TMEM131: variants seen among roughly 807,000 people sequenced by gnomAD.
TMEM131 encodes transmembrane protein 131, also known as 2610524E03Rik.
In TMEM131, 66 loss-of-function variants were observed where a neutral mutation model predicts 211.6. That is an observed-to-expected ratio of 0.31 (90% CI 0.26 to 0.38). The LOEUF is 0.38. Among genes scored for constraint, TMEM131 ranks in the 10% least tolerant of loss-of-function variants. The probability of loss-of-function intolerance (pLI) is 1.00; values close to 1 mark genes in which losing one functional copy is unlikely to be tolerated. For missense variants in TMEM131, 2,036 were observed against 2,299.3 expected, an observed-to-expected ratio of 0.89 and a Z score of 2.34; for synonymous variants, 844 against 841.3, an observed-to-expected ratio of 1.00 and a Z score of -0.06.
intron 31 of TMEM131, among the ~76,000 whole-genome samples, chr2:97,787,891 C>T (rs1680325760): frequency 6.6e-6 from 1 of 152,150 alleles, no homozygotes; most frequent in African/African-American, 2.4e-5. Context: ...ACCTTACACT[C>T]ACACCTCCTT....
At chr2:97,905,486 G>A (rs1159288605) in intron 3 of TMEM131, among the ~76,000 whole-genome samples, 1 of 152,094 alleles carries the variant, frequency 6.6e-6, no homozygotes, top group Non-Finnish European at 1.5e-5. Context: ...CCAATTCCTA[G>A]GAACTCACTT....
intron 1 of TMEM131, among the ~76,000 whole-genome samples, chr2:97,928,787 G>GT (rs1345980889): frequency 2.0e-5 from 3 of 151,828 alleles, no homozygotes; most frequent in African/African-American, 4.9e-5. Flanking sequence ...TGGGAGCCAG[G>GT]TGTCTCACTG....
chr2:97,943,037 A>AGAGAAAGAAAG (rs1677844966), intron 1 of TMEM131, among the ~76,000 whole-genome samples: 1 of 66,000 alleles, frequency 1.5e-5, no homozygotes, highest in South Asian at 5.0e-4. Context: ...AAAAGAAAAG[A>AGAGAAAGAAAG]AAAGAAAGAA....
At chr2:97,891,636 G>C (rs1416395638) in intron 3 of TMEM131, among the ~76,000 whole-genome samples, 2 of 152,196 alleles carry the variant, frequency 1.3e-5, no homozygotes, top group Admixed American at 6.5e-5. Flanking sequence ...TCAGGTCAAA[G>C]TTGAGCAGGA....
chr2:97,767,120 T>G (rs1449332236), intron 33 of TMEM131, among the ~76,000 whole-genome samples: 1 of 152,230 alleles, frequency 6.6e-6, no homozygotes, highest in African/African-American at 2.4e-5. Flanking sequence ...GCTAAGTTCC[T>G]GGTTACTACA....
intron 32 of TMEM131, among the ~76,000 whole-genome samples, chr2:97,772,751 G>A (rs1027313415): frequency 9.9e-5 from 15 of 152,222 alleles, no homozygotes; most frequent in Non-Finnish European, 1.6e-4. Flanking sequence ...CAAAAAACTA[G>A]CTGGGCGTGG....
At chr2:97,859,828 G>C (rs1294454991) in intron 4 of TMEM131, among the ~76,000 whole-genome samples, 1 of 152,186 alleles carries the variant, frequency 6.6e-6, no homozygotes, top group Non-Finnish European at 1.5e-5. Flanking sequence ...GAGTAGCAAA[G>C]TTGTGTGAGG....
intron 1 of TMEM131, among the ~76,000 whole-genome samples, chr2:97,966,460 A>T (rs1559480078): frequency 6.6e-6 from 1 of 152,164 alleles, no homozygotes; most frequent in Non-Finnish European, 1.5e-5. Context: ...ACAATAAATA[A>T]AAGGTATAAA....
intron 1 of TMEM131, among the ~76,000 whole-genome samples, chr2:97,941,168 A>C (rs554717431): frequency 1.9e-4 from 29 of 152,232 alleles, no homozygotes; most frequent in African/African-American, 6.5e-4. Context: ...GAAATAATAC[A>C]ACACATCTAC....
intron 12 of TMEM131, among the ~76,000 whole-genome samples, chr2:97,818,123 T>C (rs1409579712): frequency 2.0e-5 from 3 of 152,204 alleles, no homozygotes; most frequent in Non-Finnish European, 4.4e-5. Context: ...TTAGAAATAA[T>C]AGCTAACTGG....
In TMEM131 at chr2:97,796,846, T is replaced by G; in HGVS notation, c.3011A>C (p.Asp1004Ala). ...ITEALLKDCT[D>A]SLKLREPNFT... ...TTGAAACTGTTAGGAAGACTTACTA[T>G]CTGTACAATCTTTTAACAATGCTTC... Residue 1004 changes from aspartate (D) to alanine (A), a missense_variant and splice_region_variant, in exon 27 of 41, where the codon GAT (aspartate) becomes GCT (alanine). Coordinates refer to ENST00000186436, the MANE Select transcript of TMEM131 (RefSeq NM_015348.2). The G allele has an allele frequency of 6.2e-7, 1 of 1,612,962 alleles. No individual in the cohort carries two copies. Among genetic ancestry groups the G allele is most frequent in the South Asian group, 1.1e-5 (1 of 90,772 alleles).
Position 97,813,880 on chromosome 2 carries a change from CA to C in TMEM131, c.1617+90del. 3.8e-6 allele frequency: 4 copies of C among 1,055,758 alleles called. No homozygotes were observed. The South Asian group carries it at 7.7e-5, about 20-fold the overall frequency. The allele number at this position is 1,055,758 out of a possible 1,614,324, so 65.4% of individuals were successfully genotyped here. A position where few individuals can be genotyped will look rare whatever the true frequency, so the allele number is the denominator to read the frequency against. Reference sequence around the variant, plus strand: ...TCAATTTGCAGAGCACAAATAATGGCAAACCGTATGTAACACGACTGCCTAA... The same window carrying C: ...TCAATTTGCAGAGCACAAATAATGGCAACCGTATGTAACACGACTGCCTAA... On this transcript the variant is annotated intron_variant, in intron 15 of 40. Transcript: ENST00000186436.
At chr2:97,937,082 G>GT (rs1677479793) in intron 1 of TMEM131, among the ~76,000 whole-genome samples, 1 of 152,038 alleles carries the variant, frequency 6.6e-6, no homozygotes, top group African/African-American at 2.4e-5. Context: ...GCAATCAACA[G>GT]TAATGGTCCC....
chr2:97,793,790 C>T (rs1376378012), intron 29 of TMEM131, among the ~76,000 whole-genome samples: 4 of 151,582 alleles, frequency 2.6e-5, no homozygotes, highest in African/African-American at 7.3e-5. Context: ...GTCAGGAGAT[C>T]GACACCATCC....
chr2:97,893,740 T>TG (rs1675482974), intron 3 of TMEM131, among the ~76,000 whole-genome samples: 1 of 152,148 alleles, frequency 6.6e-6, no homozygotes, highest in Non-Finnish European at 1.5e-5. Context: ...GATGGTTTTT[T>TG]TTTCTTGTAA....
chr2:97,767,946 C>CGTGCCG (rs1343901686), intron 33 of TMEM131, among the ~76,000 whole-genome samples: 2 of 152,164 alleles, frequency 1.3e-5, no homozygotes, highest in Non-Finnish European at 1.5e-5. Context: ...CCCGATCTAA[C>CGTGCCG]GGCACCATAA....
chr2:97,888,510 TCA>T (rs1243869211), intron 3 of TMEM131, among the ~76,000 whole-genome samples: 4 of 152,148 alleles, frequency 2.6e-5, no homozygotes, highest in African/African-American at 9.7e-5. Context: ...AAGACAAAAA[TCA>T]CAATCAGATT....
chr2:97,967,121 G>A (rs1679095853), intron 1 of TMEM131, among the ~76,000 whole-genome samples: 1 of 152,066 alleles, frequency 6.6e-6, no homozygotes, highest in South Asian at 2.1e-4. Flanking sequence ...ACCATAAAAG[G>A]GAGTTACTCA....
At chr2:97,801,366 T>C (rs772249593) in intron 25 of TMEM131, among the ~76,000 whole-genome samples, 1 of 152,238 alleles carries the variant, frequency 6.6e-6, no homozygotes, top group Non-Finnish European at 1.5e-5. Flanking sequence ...CTGGCCTAAA[T>C]AATAGAAAAT....
Sources: allele counts gnomAD v4.1 joint callset (sites outside exome capture counted in the v4.1 genomes callset), GRCh38; gene constraint gnomAD v4.1.1; transcripts MANE v1.5; gene names NCBI Gene and HGNC (gene_info 2026-07-23, HGNC 2026-07-21).